The following GSN variants were observed in gnomAD, a reference collection of about 807,000 sequenced individuals.
The protein encoded by GSN is actin-depolymerizing factor.
A neutral mutation model predicts 85.7 loss-of-function variants in GSN; 56 were observed. The ratio of observed to expected loss-of-function variants is 0.65; its 90% CI spans 0.53 to 0.82. The LOEUF is 0.82. Ranked by LOEUF, GSN falls within the 40% of genes least tolerant of loss-of-function variation. The pLI, the probability that GSN is intolerant of heterozygous loss-of-function variation, is 0.00. For synonymous variants in GSN, 373 were observed against 399.1 expected (o/e 0.93, Z 0.78); for missense variants, 857 against 979.8 (o/e 0.87, Z 1.67).
At chr9:121,290,856 A>G (rs542815029) in intron 2 of GSN, among the ~76,000 whole-genome samples, 9 of 152,102 alleles carry the variant, frequency 5.9e-5, no homozygotes, top group Non-Finnish European at 1.2e-4. Context: ...TTTTTAATAT[A>G]GAGAGAGACA....
At chr9:121,263,385 C>T (rs528153178), upstream of GSN, among the ~76,000 whole-genome samples, 1 of 152,158 alleles carries the variant, frequency 6.6e-6, no homozygotes, top group East Asian at 1.9e-4. Flanking sequence ...AATTTATTAC[C>T]TCTATTTATG....
intron 6 of GSN, among the ~76,000 whole-genome samples, chr9:121,249,037 T>C (rs1386330119): frequency 6.6e-6 from 1 of 152,100 alleles, no homozygotes; most frequent in East Asian, 1.9e-4. Context: ...TTTGTGACAA[T>C]CTAGATGTAA....
At chr9:121,305,991 G>T (rs181572289) in intron 4 of GSN, among the ~76,000 whole-genome samples, 1 of 152,206 alleles carries the variant, frequency 6.6e-6, no homozygotes, top group Non-Finnish European at 1.5e-5. Flanking sequence ...ACTAGAAAGG[G>T]CTGACATGGG....
At chr9:121,269,224 T>C (rs2055542859) in intron 1 of GSN, among the ~76,000 whole-genome samples, 1 of 152,294 alleles carries the variant, frequency 6.6e-6, no homozygotes, top group East Asian at 1.9e-4. Flanking sequence ...CTGTGTGTCC[T>C]GTTCTCCCAG....
intron 2 of GSN, among the ~76,000 whole-genome samples, chr9:121,289,249 G>A (rs1353847289): frequency 6.6e-6 from 1 of 151,978 alleles, no homozygotes; most frequent in African/African-American, 2.4e-5. Context: ...CGGAGTGGTG[G>A]CCAGAGTAAC....
chr9:121,291,853 T>C (rs1438946241), intron 2 of GSN, among the ~76,000 whole-genome samples: 1 of 152,144 alleles, frequency 6.6e-6, no homozygotes, highest in African/African-American at 2.4e-5. Context: ...ATCACTCAGT[T>C]GTAAGTGCTA....
chr9:121,262,167 A>T (rs2055100424), intron 6 of GSN, among the ~76,000 whole-genome samples: 1 of 152,198 alleles, frequency 6.6e-6, no homozygotes, highest in Admixed American at 6.5e-5. Flanking sequence ...CGTTGTCGAG[A>T]TGAAATTAAA....
chr9:121,219,644 A>AT (rs982869637), intron 4 of GSN, among the ~76,000 whole-genome samples: 9 of 152,156 alleles, frequency 5.9e-5, no homozygotes, highest in Admixed American at 5.2e-4. Context: ...GGACCTCATT[A>AT]TATGCTCATT....
Position 121,329,149 on chromosome 9 carries a change from C to T in GSN, c.1888-89C>T, listed in dbSNP as rs1259249408. On this transcript the variant is annotated intron_variant, in intron 15 of 17. Coordinates refer to ENST00000432226, the MANE Select transcript of GSN (RefSeq NM_198252.3). This position sits in a 1 kb window ranked among gnomAD's most constrained non-coding sequence, Gnocchi z 4.6. Reference sequence around the variant, plus strand: ...GAAGGGGCCCCCTGCCAGCTGCAGCCAGCTGTGCCACTCCCTCAGGGGGCA... The same window carrying T: ...GAAGGGGCCCCCTGCCAGCTGCAGCTAGCTGTGCCACTCCCTCAGGGGGCA... The T allele has an allele frequency of 4.1e-6, 6 of 1,465,230 alleles. No homozygotes were observed. The highest frequency in any genetic ancestry group is 4.8e-6 in the Non-Finnish European group (5 of 1,048,996). The allele number at this position is 1,465,230 out of a possible 1,614,324, so 90.8% of individuals were successfully genotyped here.
intron 7 of GSN, among the ~76,000 whole-genome samples, chr9:121,314,243 C>T (rs1053067674): frequency 4.6e-5 from 7 of 152,252 alleles, no homozygotes; most frequent in African/African-American, 1.7e-4. Context: ...CACGCTCATA[C>T]ATGAGGTCTC....
intron 2 of GSN, chr9:121,281,967 G>T: frequency 2.1e-6 from 1 of 472,130 alleles, no homozygotes; most frequent in East Asian, 6.9e-5. Flanking sequence ...AGAAAAATGG[G>T]GGTCCATTTG....
intron 2 of GSN, chr9:121,282,587 C>A: frequency 9.2e-7 from 1 of 1,084,508 alleles, no homozygotes; most frequent in Non-Finnish European, 1.2e-6. Context: ...GGATGTTGTG[C>A]CCCAAAAGCC....
At chr9:121,321,854 G>A (rs2062505811) in intron 11 of GSN, among the ~76,000 whole-genome samples, 1 of 151,868 alleles carries the variant, frequency 6.6e-6, no homozygotes, top group South Asian at 2.1e-4. Context: ...CAATTCTCCT[G>A]CCTCAGCCTC....
intron 11 of GSN, among the ~76,000 whole-genome samples, chr9:121,323,558 C>T (rs908225776): frequency 1.1e-4 from 11 of 97,522 alleles, no homozygotes; most frequent in South Asian, 4.0e-4. Flanking sequence ...TTAGTAGAGA[C>T]GGAGTTTCAC....
Position 121,228,438 on chromosome 9 carries a change from T to A in GSN, c.-527-2727T>A, listed in dbSNP as rs1270625950. On this transcript the variant is annotated intron_variant, in intron 4 of 24. Coordinates refer to the GSN transcript ENST00000373823. ...TATATATATATATTTTTTTTTTTTT[T>A]TTTTTTTTTTTTTGAGATAGGGTCT... 2.4e-3 allele frequency among the ~76,000 whole-genome samples: 236 copies of A among 97,002 alleles called. 9 individuals are homozygous for A. The highest frequency in any genetic ancestry group is 0.012 in the African/African-American group (214 of 17,174). 63.6% of individuals were successfully genotyped at this position (97,002 alleles called of 152,430 possible). A position where few individuals can be genotyped will look rare whatever the true frequency, so the allele number is the denominator to read the frequency against.
At chr9:121,254,924 A>G (rs563589260) in intron 6 of GSN, among the ~76,000 whole-genome samples, 1 of 148,700 alleles carries the variant, frequency 6.7e-6, no homozygotes, top group South Asian at 2.3e-4. Context: ...AAGCAAATAC[A>G]TATATCTTCA....
At chr9:121,326,430 TG>T in intron 12 of GSN, 81 bp from the exon 13 acceptor site, 1 of 1,134,866 alleles carries the variant, frequency 8.8e-7, no homozygotes, top group Non-Finnish European at 1.3e-6. Context: ...TGGCTTCGTC[TG>T]GAGGGATGGG....
intron 12 of GSN, 78 bp from the exon 13 acceptor site, chr9:121,326,434 G>T: frequency 8.5e-7 from 1 of 1,173,536 alleles, no homozygotes; most frequent in South Asian, 1.2e-5. Context: ...TTCGTCTGGA[G>T]GGATGGGCCC....
intron 5 of GSN, 65 bp from the exon 6 acceptor site, chr9:121,312,274 G>C: frequency 6.3e-7 from 1 of 1,577,666 alleles, no homozygotes; most frequent in Non-Finnish European, 8.7e-7. Flanking sequence ...CACTCCCCAA[G>C]CCCTGTCGCT....
Sources: gnomAD v4.1 joint callset for allele counts (sites outside exome capture counted in the v4.1 genomes callset) on GRCh38, gnomAD v4.1.1 for gene constraint, Gnocchi (gnomAD v3.1) non-coding constraint, MANE v1.5 for transcripts, NCBI Gene and HGNC (gene_info 2026-07-23, HGNC 2026-07-21) for gene names.